The following SDC4 variants were observed in gnomAD, a reference collection of about 807,000 sequenced individuals.
The protein encoded by SDC4 is syndecan-4.
A neutral mutation model predicts 20.5 loss-of-function variants in SDC4; 17 were observed. The observed-to-expected ratio is 0.83, with a 90% CI of 0.57 to 1.25. The LOEUF is 1.25. SDC4 is among the 50% of genes most tolerant of loss of function. SDC4 has a pLI of 0.00. For missense variants in SDC4, 241 were observed against 252.3 expected (o/e 0.96, Z 0.30); for synonymous variants, 107 against 105.3 (o/e 1.02, Z -0.10).
chr20:45,348,286 C>T, intron 1 of SDC4, 39 bp downstream of exon 1: 1 of 1,546,878 alleles, frequency 6.5e-7, no homozygotes, highest in Non-Finnish European at 8.8e-7. Flanking sequence ...GGCCTGCGCC[C>T]CCGCTTCGCC....
At chr20:45,344,527 G>A (rs1600735001) in intron 1 of SDC4, among the ~76,000 whole-genome samples, 2 of 152,360 alleles carry the variant, frequency 1.3e-5, no homozygotes, top group South Asian at 4.1e-4. Flanking sequence ...GGAGGTTGAA[G>A]GACAGCTAGG....
At chr20:45,348,249 C>A in intron 1 of SDC4, 76 bp downstream of exon 1, 6 of 1,304,136 alleles carry the variant, frequency 4.6e-6, no homozygotes, top group South Asian at 1.3e-5. Flanking sequence ...CCCCCCATCC[C>A]ACGCTCCGAC....
intron 1 of SDC4, among the ~76,000 whole-genome samples, chr20:45,343,487 G>A (rs1467967319): frequency 4.6e-5 from 7 of 152,324 alleles, no homozygotes; most frequent in African/African-American, 1.7e-4. Flanking sequence ...CCTCCAGGCT[G>A]CAAACTGTTC....
rs1340611322 is a variant in SDC4, at chr20:45,327,399, G to A, written c.462C>T (p.Gly154=). The change falls in exon 5 of 5, where the codon GGC becomes GGT. Residue 154 remains glycine (G), a synonymous_variant. Transcript: ENST00000372733. ...AGACGGCAAAGAGGATGCCCACGATGCCACCCACAATCAGAGCTGGAGAGG... is the reference window on the plus strand; with the variant it reads ...AGACGGCAAAGAGGATGCCCACGATACCACCCACAATCAGAGCTGGAGAGG... The part of the protein sequence containing the change: ...TEVLAALIVG[G]IVGILFAVFL... The A allele has an allele frequency of 1.2e-6, 2 of 1,613,986 alleles. No individual in the cohort carries two copies. The highest frequency in any genetic ancestry group is 1.1e-5 in the South Asian group (1 of 91,068).
chr20:45,335,981 C>A, intron 1 of SDC4, 61 bp from the exon 2 acceptor site: 1 of 1,569,636 alleles, frequency 6.4e-7, no homozygotes, highest in Admixed American at 1.7e-5. Flanking sequence ...CAGCTGATGC[C>A]CAAAAGCTAG....
At chr20:45,343,691 T>C (rs1214852616) in intron 1 of SDC4, among the ~76,000 whole-genome samples, 1 of 152,082 alleles carries the variant, frequency 6.6e-6, no homozygotes, top group African/African-American at 2.4e-5. Flanking sequence ...ATAAGGGGGA[T>C]AAGGGGGATG....
chr20:45,344,080 C>T (rs1305650153), intron 1 of SDC4, among the ~76,000 whole-genome samples: 1 of 152,172 alleles, frequency 6.6e-6, no homozygotes, highest in Non-Finnish European at 1.5e-5. Flanking sequence ...GGGGTCACAC[C>T]AAACCTGAAC....
At chr20:45,347,198 G>A (rs1477498160) in intron 1 of SDC4, among the ~76,000 whole-genome samples, 2 of 152,186 alleles carry the variant, frequency 1.3e-5, no homozygotes, top group East Asian at 3.8e-4. Flanking sequence ...CCTGCAGGCA[G>A]AATCAACCTT....
intron 1 of SDC4, among the ~76,000 whole-genome samples, chr20:45,342,561 G>A (rs1189298476): frequency 6.6e-6 from 1 of 152,154 alleles, no homozygotes; most frequent in Non-Finnish European, 1.5e-5. Context: ...GAGAAAACTG[G>A]AGCAGCCGAG....
At position 45,336,286 on chromosome 20, in the gene SDC4, G is replaced by A. The variant is rs6032122; in HGVS notation, c.61-366C>T. ...AAATCAGCTGGGCGTGGTGGCTTAC[G>A]CCTGTAGTCCCAGCTACTCGGGAGG... On this transcript the variant is annotated intron_variant, in intron 1 of 4. Transcript: ENST00000372733. 9.5e-4 allele frequency among the ~76,000 whole-genome samples: 144 copies of A among 152,236 alleles called. 2 individuals are homozygous for A. The highest frequency in any genetic ancestry group is 8.7e-4 in the African/African-American group (36 of 41,540).
chr20:45,340,896 G>C (rs369209144), intron 1 of SDC4, among the ~76,000 whole-genome samples: 4 of 151,610 alleles, frequency 2.6e-5, no homozygotes, highest in African/African-American at 9.8e-5. Flanking sequence ...CACTTCTTAA[G>C]GGCCAGACAT....
At chr20:45,343,565 T>C (rs1600734533) in intron 1 of SDC4, among the ~76,000 whole-genome samples, 1 of 152,148 alleles carries the variant, frequency 6.6e-6, no homozygotes, top group Non-Finnish European at 1.5e-5. Flanking sequence ...TGTTTAAACA[T>C]AAACCCATTC....
intron 1 of SDC4, among the ~76,000 whole-genome samples, chr20:45,340,635 G>A (rs1287026542): frequency 6.6e-6 from 1 of 152,236 alleles, no homozygotes; most frequent in Non-Finnish European, 1.5e-5. Context: ...CAGGGTCAGG[G>A]CTTGGATAAC....
intron 2 of SDC4, 134 bp from the exon 3 acceptor site, chr20:45,333,203 C>G (rs924353760): frequency 3.9e-6 from 3 of 774,412 alleles, no homozygotes; most frequent in Admixed American, 2.1e-5. Flanking sequence ...GCTTCCCCAC[C>G]CCTACTTCAG....
rs541649836 is a variant in SDC4, at chr20:45,337,876, G to T, written c.61-1956C>A. Among the ~76,000 whole-genome samples the T allele has an allele frequency of 1.0e-3, 155 of 152,354 alleles. No individual in the cohort carries two copies. The Middle Eastern group carries it at 0.017, about 17-fold the overall frequency. On this transcript the variant is annotated intron_variant, in intron 1 of 4. Coordinates refer to ENST00000372733, the MANE Select transcript of SDC4 (RefSeq NM_002999.4). ...AGAATGCTGAACGCTTGGCACCCGTGGGGGTGGAAAGCCAGAGAGGTTAAG... is the reference window on the plus strand; with the variant it reads ...AGAATGCTGAACGCTTGGCACCCGTTGGGGTGGAAAGCCAGAGAGGTTAAG...
rs1271114932 is a variant in SDC4, at chr20:45,325,451, G to C, written c.*1813C>G. The C allele has an allele frequency of 1.3e-5, 2 of 152,800 alleles. No individual in the cohort carries two copies. Among genetic ancestry groups the C allele is most frequent in the African/African-American group, 4.8e-5 (2 of 41,448 alleles). The allele number at this position is 152,800 out of a possible 1,614,324, so 9.5% of individuals were successfully genotyped here. A position where few individuals can be genotyped will look rare whatever the true frequency, so the allele number is the denominator to read the frequency against. ...CCAGCTGGGACCCTGGGTTGCAGTG[G>C]TGACGGGAGCTAATGGCCACTGGTG... is the stretch of plus-strand genomic sequence containing the variant. On this transcript the variant is annotated 3_prime_UTR_variant, in exon 5 of 5. Transcript: ENST00000372733.
intron 4 of SDC4, 133 bp downstream of exon 4, chr20:45,330,233 G>T: frequency 1.3e-6 from 1 of 783,982 alleles, no homozygotes; most frequent in Non-Finnish European, 2.1e-6. Context: ...CAATGTTCTA[G>T]GGCAACCTGA....
At position 45,348,349 on chromosome 20, in the gene SDC4, G is replaced by A; in HGVS notation, c.36C>T (p.Phe12=). The change falls in exon 1 of 5, where the codon TTC becomes TTT. Residue 12 remains phenylalanine, a synonymous_variant. Coordinates refer to ENST00000372733, the MANE Select transcript of SDC4 (RefSeq NM_002999.4). ...APARLFALLL[F]FVGGVAESIR... is the part of the protein sequence containing the mutation. ...CCGACTCGGCGACTCCGCCTACGAA[G>A]AACAGCAGCAGCGCGAACAGACGGG... is the stretch of plus-strand genomic sequence containing the variant. 1 of 1,593,560 alleles carries A rather than the reference G, an allele frequency of 6.3e-7. No individual in the cohort carries two copies. The highest frequency in any genetic ancestry group is 8.5e-7 in the Non-Finnish European group (1 of 1,171,292).
At chr20:45,348,282 C>T in intron 1 of SDC4, 43 bp downstream of exon 1, 1 of 1,518,668 alleles carries the variant, frequency 6.6e-7, no homozygotes, top group Non-Finnish European at 8.9e-7. Context: ...CACCGGCCTG[C>T]GCCCCCGCTT....
Sources: gnomAD v4.1 joint callset for allele counts (sites outside exome capture counted in the v4.1 genomes callset) on GRCh38, gnomAD v4.1.1 for gene constraint, MANE v1.5 for transcripts, NCBI Gene and HGNC (gene_info 2026-07-23, HGNC 2026-07-21) for gene names.